The following LAMA2 variants were observed in gnomAD, a reference collection of about 807,000 sequenced individuals.
LAMA2 encodes laminin subunit alpha 2.
LAMA2 carries 269 observed loss-of-function variants against 364.8 expected under a neutral mutation model. The observed-to-expected ratio is 0.74, with a 90% CI of 0.67 to 0.82. The LOEUF (loss-of-function observed/expected upper bound fraction) is 0.82. Among genes scored for constraint, LAMA2 ranks in the 40% least tolerant of loss-of-function variants. The probability of loss-of-function intolerance (pLI) is 0.00; values close to 1 mark genes in which losing one functional copy is unlikely to be tolerated. For synonymous variants in LAMA2, 1,379 were observed against 1,370.6 expected (o/e 1.01, Z -0.14); for missense variants, 3,807 against 3,873.2 (o/e 0.98, Z 0.45).
intron 4 of LAMA2, among the ~76,000 whole-genome samples, chr6:129,115,483 G>A (rs1357495482): frequency 6.6e-6 from 1 of 152,024 alleles, no homozygotes; most frequent in Non-Finnish European, 1.5e-5. Context: ...TATTTTCCCA[G>A]CTGCTGTTTA....
intron 50 of LAMA2, 110 bp from the exon 51 acceptor site, chr6:129,465,035 A>G (rs780731417): frequency 5.8e-6 from 5 of 858,568 alleles, no homozygotes; most frequent in East Asian, 2.5e-5. Context: ...ACAGAGTGAC[A>G]TATTCAGCAA....
At position 129,505,309 on chromosome 6, in the gene LAMA2, A is replaced by T. The variant is rs761037493; in HGVS notation, c.8657A>T (p.Tyr2886Phe). 1 of 1,614,032 alleles carries T rather than the reference A, an allele frequency of 6.2e-7. No individual in the cohort carries two copies. The highest frequency in any genetic ancestry group is 1.1e-5 in the South Asian group (1 of 91,084). The part of the protein sequence containing the change: ...ADILDVVGML[Y>F]VGGLPINYTT... ...ATCCTGGATGTCGTGGGAATGCTGT[A>T]TGTTGGTGGGTTACCCATCAACTAC... The change falls in exon 61 of 65, where the codon TAT becomes TTT. Residue 2886 changes from tyrosine (Y) to phenylalanine (F), a missense_variant. Around this residue, in one of 3 missense-constraint regions of LAMA2, gnomAD observed 3,333 missense variants for 3,345.7 expected, o/e 1.00. Transcript: ENST00000421865.
chr6:129,191,780 C>T (rs1781535467), intron 11 of LAMA2, among the ~76,000 whole-genome samples: 1 of 152,130 alleles, frequency 6.6e-6, no homozygotes, highest in Non-Finnish European at 1.5e-5. Flanking sequence ...ATAGAGTCAC[C>T]CTTAGCATTC....
At chr6:129,026,141 A>C (rs986690731) in intron 1 of LAMA2, among the ~76,000 whole-genome samples, 2 of 152,196 alleles carry the variant, frequency 1.3e-5, no homozygotes, top group African/African-American at 4.8e-5. Flanking sequence ...TTCATATTTA[A>C]TGTGATATGG....
chr6:129,250,573 C>T (rs909757648), intron 13 of LAMA2, among the ~76,000 whole-genome samples: 1 of 152,060 alleles, frequency 6.6e-6, no homozygotes, highest in African/African-American at 2.4e-5. Context: ...ATTGTCTACT[C>T]CCTTGTTTAT....
At chr6:128,947,231 A>G (rs7745842) in intron 1 of LAMA2, among the ~76,000 whole-genome samples, 19,394 of 152,202 alleles carry the variant, frequency 0.13, 1,552 homozygotes, top group African/African-American at 0.23. Flanking sequence ...AAGACTGCTG[A>G]AGTATTTTAA....
At chr6:128,893,418 A>G (rs969759078) in intron 1 of LAMA2, among the ~76,000 whole-genome samples, 1 of 151,772 alleles carries the variant, frequency 6.6e-6, no homozygotes, top group Non-Finnish European at 1.5e-5. Context: ...TAATATACAT[A>G]TATGTATTAA....
chr6:129,238,659 A>G (rs371444951), intron 12 of LAMA2, among the ~76,000 whole-genome samples: 9 of 152,070 alleles, frequency 5.9e-5, no homozygotes, highest in African/African-American at 1.9e-4. Context: ...GAATATATAA[A>G]TCAAGGATGC....
At chr6:129,256,266 T>C (rs2114303221) in intron 14 of LAMA2, among the ~76,000 whole-genome samples, 1 of 152,316 alleles carries the variant, frequency 6.6e-6, no homozygotes, top group Admixed American at 6.5e-5. Context: ...TTTACTCCTC[T>C]GAGCCTCAGA....
intron 15 of LAMA2, among the ~76,000 whole-genome samples, chr6:129,266,527 G>A (rs1212844892): frequency 6.6e-6 from 1 of 152,126 alleles, no homozygotes; most frequent in Non-Finnish European, 1.5e-5. Context: ...AGGAAATTTA[G>A]CATGAAATAC....
intron 1 of LAMA2, among the ~76,000 whole-genome samples, chr6:129,035,476 T>C (rs1786572471): frequency 6.6e-6 from 1 of 151,806 alleles, no homozygotes; most frequent in Non-Finnish European, 1.5e-5. Context: ...TTTTGTTAAT[T>C]GTTTATTTTG....
intron 12 of LAMA2, among the ~76,000 whole-genome samples, chr6:129,227,268 G>A (rs1377139661): frequency 6.6e-6 from 1 of 152,072 alleles, no homozygotes; most frequent in East Asian, 1.9e-4. Flanking sequence ...TCTTTGTGAT[G>A]GGTTCGAACT....
At chr6:128,933,928 A>C (rs1193690905) in intron 1 of LAMA2, among the ~76,000 whole-genome samples, 1 of 152,118 alleles carries the variant, frequency 6.6e-6, no homozygotes, top group Non-Finnish European at 1.5e-5. Context: ...CTGCTGTAGA[A>C]GTTTTTAGTT....
At chr6:129,084,918 T>C (rs1046540515) in intron 3 of LAMA2, among the ~76,000 whole-genome samples, 5 of 152,162 alleles carry the variant, frequency 3.3e-5, no homozygotes, top group Non-Finnish European at 7.4e-5. Flanking sequence ...CATAGTAGAA[T>C]TACATGGTGT....
At chr6:129,177,333 C>G (rs1018678107) in intron 9 of LAMA2, among the ~76,000 whole-genome samples, 1 of 152,148 alleles carries the variant, frequency 6.6e-6, no homozygotes, top group Admixed American at 6.5e-5. Flanking sequence ...AGGCTTGTTC[C>G]GTGAGCCACT....
At chr6:128,885,662 G>A (rs1195866449) in intron 1 of LAMA2, among the ~76,000 whole-genome samples, 1 of 152,164 alleles carries the variant, frequency 6.6e-6, no homozygotes, top group East Asian at 1.9e-4. Flanking sequence ...CGCTAATTGT[G>A]TAGAAGTTCT....
At chr6:129,297,921 C>A in intron 21 of LAMA2, 56 bp downstream of exon 21, 4 of 1,434,066 alleles carry the variant, frequency 2.8e-6, no homozygotes, top group Middle Eastern at 1.7e-4. Flanking sequence ...TAGGGTCTGA[C>A]TTCTGTAACA....
intron 43 of LAMA2, among the ~76,000 whole-genome samples, chr6:129,442,562 G>T (rs958499741): frequency 1.3e-5 from 2 of 152,044 alleles, no homozygotes; most frequent in Non-Finnish European, 2.9e-5. Context: ...ATAAGTGCAG[G>T]TTTGTTACAT....
chr6:129,210,411 CA>C (rs1783020761), intron 12 of LAMA2, among the ~76,000 whole-genome samples: 1 of 152,108 alleles, frequency 6.6e-6, no homozygotes, highest in Non-Finnish European at 1.5e-5. Context: ...CGCACACACA[CA>C]CACACACACC....
Sources: gnomAD v4.1 joint callset for allele counts (sites outside exome capture counted in the v4.1 genomes callset) on GRCh38, gnomAD v4.1.1 for gene constraint, gnomAD v4.1.1 regional missense constraint, MANE v1.5 for transcripts, NCBI Gene and HGNC (gene_info 2026-07-23, HGNC 2026-07-21) for gene names.